The following ADCY1 variants were observed in gnomAD, a reference collection of about 807,000 sequenced individuals.
ADCY1 encodes the protein adenylate cyclase type 1.
A neutral mutation model predicts 105.4 loss-of-function variants in ADCY1; 28 were observed. That is an observed-to-expected ratio of 0.27 (90% CI 0.20 to 0.36). The LOEUF (loss-of-function observed/expected upper bound fraction) is 0.36, where lower values mean the gene tolerates loss of function less well. ADCY1 is among the 10% of genes least tolerant of loss of function. The probability of loss-of-function intolerance (pLI) is 1.00; values close to 1 mark genes in which losing one functional copy is unlikely to be tolerated. For missense variants in ADCY1, 977 were observed against 1,434.2 expected (o/e 0.68, Z 5.15); for synonymous variants, 655 against 623.8 (o/e 1.05, Z -0.75).
chr7:45,691,097 G>A (rs1436457254), intron 14 of ADCY1, among the ~76,000 whole-genome samples: 2 of 152,172 alleles, frequency 1.3e-5, no homozygotes, highest in Non-Finnish European at 2.9e-5. Context: ...GGGTTGACAT[G>A]GCTTTTTCTT....
intron 1 of ADCY1, among the ~76,000 whole-genome samples, chr7:45,587,090 G>C (rs1403632051): frequency 6.6e-6 from 1 of 152,212 alleles, no homozygotes; most frequent in African/African-American, 2.4e-5. Context: ...AAATTCAATA[G>C]AGAGGTTTTC....
rs369682608 is a variant in ADCY1, at chr7:45,662,233, C to T, written c.1605+19C>T. The T allele has an allele frequency of 1.2e-6, 2 of 1,607,552 alleles. No homozygotes were observed. Among genetic ancestry groups the T allele is most frequent in the Non-Finnish European group, 1.7e-6 (2 of 1,177,714 alleles). On this transcript the variant is annotated intron_variant, in intron 8 of 19. Transcript: ENST00000297323. ...TGACAAGGTAGGAGCAGCCAGGGAGCCTGCCATGCTGGAGCTGCCAGGGAC... is the reference window on the plus strand; with the variant it reads ...TGACAAGGTAGGAGCAGCCAGGGAGTCTGCCATGCTGGAGCTGCCAGGGAC...
chr7:45,661,824 A>AGAG (rs915159882), intron 7 of ADCY1, among the ~76,000 whole-genome samples: 52 of 152,276 alleles, frequency 3.4e-4, no homozygotes, highest in African/African-American at 1.2e-3. Context: ...GTAGGCTTTT[A>AGAG]GAGGCCTTTG....
chr7:45,611,009 G>GAGGTGCGGAGGTGATAT (rs1793568592), intron 3 of ADCY1, among the ~76,000 whole-genome samples: 1 of 143,182 alleles, frequency 7.0e-6, no homozygotes, highest in Non-Finnish European at 1.5e-5. Context: ...GGAGGTGGTG[G>GAGGTGCGGAGGTGATAT]TGGAGGTGTG....
chr7:45,686,333 A>G lies in ADCY1; in HGVS notation c.2327+118A>G. On this transcript the variant is annotated intron_variant, in intron 13 of 19. Coordinates refer to ENST00000297323, the MANE Select transcript of ADCY1 (RefSeq NM_021116.4). The surrounding 1 kb of genome is among the most constrained non-coding windows in gnomAD (Gnocchi z 4.3). ...CTAGTCAAGTTGAATTGTATACACA[A>G]TTTTTAGTTTGGTGGCTGCTTCTCT... 2 of 1,467,146 alleles carry G rather than the reference A, an allele frequency of 1.4e-6. No individual in the cohort carries two copies. The highest frequency in any genetic ancestry group is 1.8e-6 in the Non-Finnish European group (2 of 1,094,602). 90.9% of individuals were successfully genotyped at this position (1,467,146 alleles called of 1,614,324 possible).
intron 8 of ADCY1, chr7:45,664,711 C>A: frequency 4.4e-6 from 1 of 226,150 alleles, no homozygotes; most frequent in Admixed American, 5.1e-5. Context: ...TTTTAATTGC[C>A]AATATATCAT....
At chr7:45,610,527 G>A (rs1793506307) in intron 3 of ADCY1, 30 bp downstream of exon 3, 1 of 1,588,150 alleles carries the variant, frequency 6.3e-7, no homozygotes, top group Non-Finnish European at 8.6e-7. Flanking sequence ...GGCACAGCGG[G>A]GAGCCTGGGA....
At chr7:45,610,326 G>A in intron 2 of ADCY1, 53 bp from the exon 3 acceptor site, 1 of 1,511,118 alleles carries the variant, frequency 6.6e-7, no homozygotes, top group Non-Finnish European at 9.2e-7. Context: ...AGGTGAGGAG[G>A]AGTGGAGGGA....
chr7:45,669,937 G>C (rs1784333302), intron 8 of ADCY1, among the ~76,000 whole-genome samples: 1 of 151,956 alleles, frequency 6.6e-6, no homozygotes, highest in African/African-American at 2.4e-5. Flanking sequence ...TTTTTGTTCT[G>C]GCTTTAATAA....
intron 5 of ADCY1, among the ~76,000 whole-genome samples, chr7:45,652,652 C>T (rs1278459991): frequency 2.6e-5 from 4 of 152,212 alleles, no homozygotes; most frequent in Non-Finnish European, 1.5e-5. Flanking sequence ...TCATGCAGAT[C>T]GGTCATTTGG....
intron 17 of ADCY1, among the ~76,000 whole-genome samples, chr7:45,706,026 T>C (rs1279130208): frequency 1.3e-5 from 2 of 152,164 alleles, no homozygotes; most frequent in African/African-American, 4.8e-5. Flanking sequence ...TGAGCAAAAC[T>C]ATAAAATTCT....
At chr7:45,658,953 CG>C (rs1795017350) in intron 6 of ADCY1, among the ~76,000 whole-genome samples, 1 of 152,226 alleles carries the variant, frequency 6.6e-6, no homozygotes, top group South Asian at 2.1e-4. Context: ...GGACTGGGCC[CG>C]GGGATCCAAG....
intron 8 of ADCY1, among the ~76,000 whole-genome samples, chr7:45,670,859 C>G (rs1784351179): frequency 6.6e-6 from 1 of 152,146 alleles, no homozygotes; most frequent in Non-Finnish European, 1.5e-5. Context: ...TCCATCAGCC[C>G]TGACCTCAAG....
intron 7 of ADCY1, 84 bp downstream of exon 7, chr7:45,660,267 CCT>C (rs1482720533): frequency 5.2e-6 from 8 of 1,541,500 alleles, no homozygotes; most frequent in Non-Finnish European, 7.1e-6. Flanking sequence ...CCTCCTGCTT[CCT>C]CTCCAAGCAC....
chr7:45,575,246 G>A lies in ADCY1; in HGVS notation c.639+64G>A. On this transcript the variant is annotated intron_variant, in intron 1 of 19. Coordinates refer to ENST00000297323, the MANE Select transcript of ADCY1 (RefSeq NM_021116.4). The surrounding 1 kb of genome is among the most constrained non-coding windows in gnomAD (Gnocchi z 4.7). ...CACTTGCTGGGACGATGCTGGGAAT[G>A]CCCGGAGTCGGGCGCGCTTTTTCCT... 1 of 1,507,142 alleles carries A rather than the reference G, an allele frequency of 6.6e-7. No homozygotes were observed. The highest frequency in any genetic ancestry group is 8.8e-7 in the Non-Finnish European group (1 of 1,134,984). The allele number at this position is 1,507,142 out of a possible 1,614,324, so 93.4% of individuals were successfully genotyped here.
At chr7:45,587,016 A>G (rs1792749317) in intron 1 of ADCY1, among the ~76,000 whole-genome samples, 1 of 152,204 alleles carries the variant, frequency 6.6e-6, no homozygotes, top group African/African-American at 2.4e-5. Flanking sequence ...GATAGTCTGA[A>G]TGCCACCCAG....
chr7:45,623,454 C>G (rs1267123841), intron 4 of ADCY1, among the ~76,000 whole-genome samples: 1 of 152,236 alleles, frequency 6.6e-6, no homozygotes, highest in Non-Finnish European at 1.5e-5. Context: ...GGGGCTGCCA[C>G]TGTCCCCCTT....
At chr7:45,690,695 T>A (rs34124080) in intron 14 of ADCY1, among the ~76,000 whole-genome samples, 2,195 of 152,210 alleles carry the variant, frequency 0.014, 22 homozygotes, top group South Asian at 0.051. Context: ...GGAAGGGAGA[T>A]CTGGCCAGCT....
chr7:45,683,083 C>T (rs1455284808), intron 11 of ADCY1, among the ~76,000 whole-genome samples: 3 of 152,098 alleles, frequency 2.0e-5, no homozygotes, highest in South Asian at 2.1e-4. Flanking sequence ...CAGGAGTGGC[C>T]GAGGAAATAG....
Sources: gnomAD v4.1 joint callset for allele counts (sites outside exome capture counted in the v4.1 genomes callset) on GRCh38, gnomAD v4.1.1 for gene constraint, Gnocchi (gnomAD v3.1) non-coding constraint, MANE v1.5 for transcripts, NCBI Gene and HGNC (gene_info 2026-07-23, HGNC 2026-07-21) for gene names.